Variants in AXDND1 observed in about 807,000 individuals in gnomAD.
AXDND1 encodes the protein axonemal dynein light chain domain-containing protein 1.
AXDND1 carries 110 observed loss-of-function variants against 137.5 expected under a neutral mutation model. The ratio of observed to expected loss-of-function variants is 0.80; its 90% CI spans 0.69 to 0.94. The LOEUF is 0.94. AXDND1 is among the 40% of genes least tolerant of loss of function. AXDND1 has a pLI of 0.00. For synonymous variants in AXDND1, 414 were observed against 399.7 expected (o/e 1.04, Z -0.43); for missense variants, 1,191 against 1,169.8 (o/e 1.02, Z -0.26).
intron 15 of AXDND1, among the ~76,000 whole-genome samples, chr1:179,433,324 T>A (rs7522901): frequency 0.35 from 52,941 of 151,942 alleles, 9,415 homozygotes; most frequent in Middle Eastern, 0.44. Context: ...GCTCCTGGAT[T>A]CATTGATTCT....
chr1:179,537,835 G>A (rs1671707873), intron 25 of AXDND1, among the ~76,000 whole-genome samples: 1 of 152,014 alleles, frequency 6.6e-6, no homozygotes, highest in African/African-American at 2.4e-5. Context: ...ACTTTTTTTG[G>A]TTGGTAGGCT....
chr1:179,415,591 A>G lies in AXDND1; in HGVS notation c.1230+4325A>G, dbSNP rs1179989393. Among the ~76,000 whole-genome samples the G allele has an allele frequency of 3.3e-5, 5 of 152,122 alleles. No homozygotes were observed. The East Asian group carries it at 9.6e-4, about 29-fold the overall frequency. ...GAAACCATCACCACAACCAATCTGA[A>G]AACTTCTTCATTACCCTCAAAAGAA... is the stretch of plus-strand genomic sequence containing the variant. On this transcript the variant is annotated intron_variant, in intron 12 of 25. Transcript: ENST00000367618.
chr1:179,513,635 G>A (rs946650728), intron 21 of AXDND1, among the ~76,000 whole-genome samples: 2 of 152,004 alleles, frequency 1.3e-5, no homozygotes, highest in African/African-American at 4.8e-5. Flanking sequence ...GTGTCAAAAG[G>A]ATTGGTATCA....
At chr1:179,530,023 A>G (rs567978991) in intron 23 of AXDND1, among the ~76,000 whole-genome samples, 71 of 152,132 alleles carry the variant, frequency 4.7e-4, no homozygotes, top group Admixed American at 1.8e-3. Flanking sequence ...AATGGAATAC[A>G]ATGTCGTGAG....
chr1:179,419,382 C>G (rs1205496530), intron 12 of AXDND1, among the ~76,000 whole-genome samples: 15 of 150,588 alleles, frequency 1.0e-4, no homozygotes. Flanking sequence ...GAGGCCAAGG[C>G]TGGCGGATCA....
intron 21 of AXDND1, among the ~76,000 whole-genome samples, chr1:179,518,424 G>A (rs1011455831): frequency 3.4e-5 from 5 of 145,084 alleles, no homozygotes; most frequent in African/African-American, 5.1e-5. Context: ...GGGTACATGT[G>A]CAGGTTTGTC....
intron 20 of AXDND1, among the ~76,000 whole-genome samples, chr1:179,505,761 C>G (rs780964779): frequency 2.6e-5 from 4 of 152,114 alleles, no homozygotes; most frequent in Non-Finnish European, 5.9e-5. Flanking sequence ...CTTTCCATAA[C>G]AGTCTAGGTA....
chr1:179,388,068 CAG>C (rs1558106003), intron 9 of AXDND1, among the ~76,000 whole-genome samples: 1 of 152,190 alleles, frequency 6.6e-6, no homozygotes, highest in Admixed American at 6.6e-5. Flanking sequence ...GATTCCCTCT[CAG>C]TGTGCTATGG....
At chr1:179,387,641 CAATT>C (rs778161498) in intron 9 of AXDND1, among the ~76,000 whole-genome samples, 2 of 152,146 alleles carry the variant, frequency 1.3e-5, no homozygotes, top group African/African-American at 4.8e-5. Flanking sequence ...TTTTGGGACA[CAATT>C]AAGTTATTTA....
chr1:179,378,369 A>G (rs1647640281), intron 4 of AXDND1, among the ~76,000 whole-genome samples: 2 of 152,198 alleles, frequency 1.3e-5, no homozygotes, highest in South Asian at 2.1e-4. Flanking sequence ...GGGAATAGCC[A>G]TAGGAAAGAG....
At chr1:179,515,181 G>A (rs543873688) in intron 21 of AXDND1, among the ~76,000 whole-genome samples, 11 of 151,994 alleles carry the variant, frequency 7.2e-5, no homozygotes, top group Non-Finnish European at 1.3e-4. Flanking sequence ...TATAAGTCCT[G>A]TGTGATTTAT....
chr1:179,452,055 C>T (rs2125399696), intron 16 of AXDND1: 1 of 152,580 alleles, frequency 6.6e-6, no homozygotes, highest in Non-Finnish European at 1.5e-5. Flanking sequence ...GTTTGAAACT[C>T]CCTAGAGACT....
At chr1:179,495,327 G>T (rs1338415139) in intron 20 of AXDND1, among the ~76,000 whole-genome samples, 1 of 151,710 alleles carries the variant, frequency 6.6e-6, no homozygotes, top group Non-Finnish European at 1.5e-5. Flanking sequence ...TGTGAACATG[G>T]TCTATCTCTT....
At chr1:179,534,044 C>T (rs919005940) in intron 24 of AXDND1, among the ~76,000 whole-genome samples, 167 bp downstream of exon 24, 1 of 152,118 alleles carries the variant, frequency 6.6e-6, no homozygotes, top group African/African-American at 2.4e-5. Flanking sequence ...ACTACACTGC[C>T]CTGGTGGAAA....
At position 179,368,909 on chromosome 1, in the gene AXDND1, T is replaced by C; in HGVS notation, c.207T>C (p.Tyr69=). Residue 69 remains tyrosine (Y), a synonymous_variant, in exon 3 of 26, where the codon TAT becomes TAC. Transcript: ENST00000367618. ...AAGAAGTTCTTCTTTCTCTGACCTA[T>C]GCGGCCAATGCTGGTCCTTGTCCTG... ...IPKEVLLSLT[Y]AANAGPCPEN... 6.2e-7 allele frequency: 1 copy of C among 1,614,062 alleles called. No homozygotes were observed. The highest frequency in any genetic ancestry group is 8.5e-7 in the Non-Finnish European group (1 of 1,179,940).
chr1:179,404,146 A>G (rs1259123066), intron 11 of AXDND1, among the ~76,000 whole-genome samples: 2 of 151,740 alleles, frequency 1.3e-5, no homozygotes, highest in Non-Finnish European at 2.9e-5. Context: ...CGTGTATTTT[A>G]TCTATTCATG....
At chr1:179,465,927 C>T (rs575904284) in intron 16 of AXDND1, among the ~76,000 whole-genome samples, 12 of 152,320 alleles carry the variant, frequency 7.9e-5, no homozygotes, top group East Asian at 1.9e-4. Context: ...GAGCCAGGCG[C>T]GGGATATAAT....
At chr1:179,395,235 G>A (rs200923163) in intron 11 of AXDND1, 33 bp downstream of exon 11, 2 of 1,557,704 alleles carry the variant, frequency 1.3e-6, no homozygotes, top group Non-Finnish European at 8.8e-7. Flanking sequence ...AGCTTACATA[G>A]GGGAAAAGGA....
intron 25 of AXDND1, chr1:179,544,580 A>G (rs944925997): frequency 1.3e-5 from 2 of 149,792 alleles, no homozygotes; most frequent in Non-Finnish European, 3.0e-5. Context: ...AGGCTGAGGC[A>G]TGAGAATCGT....
Sources: allele counts gnomAD v4.1 joint callset (sites outside exome capture counted in the v4.1 genomes callset), GRCh38; gene constraint gnomAD v4.1.1; transcripts MANE v1.5; gene names NCBI Gene and HGNC (gene_info 2026-07-23, HGNC 2026-07-21).